PRR16: variants seen among roughly 807,000 people sequenced by gnomAD.
PRR16 encodes proline rich 16, also known as protein Largen.
Under a neutral mutation model 18.2 loss-of-function variants are expected in PRR16, and 6 were observed. That is an observed-to-expected ratio of 0.33 (90% CI 0.18 to 0.65). The LOEUF (loss-of-function observed/expected upper bound fraction) is 0.65, where lower values mean the gene tolerates loss of function less well. Among genes scored for constraint, PRR16 ranks in the 30% least tolerant of loss-of-function variants. The probability of loss-of-function intolerance (pLI) is 0.74; values close to 1 mark genes in which losing one functional copy is unlikely to be tolerated. For missense variants in PRR16, 412 were observed against 376.6 expected (o/e 1.09, Z -0.78); for synonymous variants, 151 against 147.8 (o/e 1.02, Z -0.16).
At chr5:120,588,789 T>G (rs534535178) in intron 1 of PRR16, among the ~76,000 whole-genome samples, 3 of 152,270 alleles carry the variant, frequency 2.0e-5, no homozygotes, top group Non-Finnish European at 4.4e-5. Context: ...GAGCACAAAT[T>G]CTGACAACAT....
the PRR16 span, among the ~76,000 whole-genome samples, chr5:120,753,990 CAT>C: frequency 2.9e-4 from 33 of 113,150 alleles, no homozygotes; most frequent in African/African-American, 8.1e-4. Context: ...TAATATATAA[CAT>C]ATATAATATA....
At chr5:120,750,218 A>AT in the PRR16 span, among the ~76,000 whole-genome samples, 2 of 152,032 alleles carry the variant, frequency 1.3e-5, no homozygotes, top group Admixed American at 1.3e-4. Context: ...CAGTCATTTG[A>AT]TTTTTTTCAA....
chr5:120,651,954 C>G (rs112838295), intron 1 of PRR16, among the ~76,000 whole-genome samples: 5 of 152,074 alleles, frequency 3.3e-5, no homozygotes, highest in African/African-American at 1.2e-4. Flanking sequence ...ATTCTTCCTA[C>G]CCATGAGCAT....
the PRR16 span, among the ~76,000 whole-genome samples, chr5:120,779,337 A>T: frequency 6.6e-6 from 1 of 152,212 alleles, no homozygotes; most frequent in Non-Finnish European, 1.5e-5. Context: ...GTTCACAATC[A>T]TTATCATGAA....
intron 1 of PRR16, among the ~76,000 whole-genome samples, chr5:120,583,337 G>C (rs62376426): frequency 8.2e-6 from 1 of 122,324 alleles, no homozygotes; most frequent in Admixed American, 8.0e-5. Flanking sequence ...GTGTGTGTGT[G>C]TGTGTGTGTG....
the PRR16 span, among the ~76,000 whole-genome samples, chr5:120,761,784 C>G: frequency 6.6e-6 from 1 of 152,048 alleles, no homozygotes; most frequent in East Asian, 1.9e-4. Context: ...AATACTCACC[C>G]TACTCTGCTA....
the PRR16 span, among the ~76,000 whole-genome samples, chr5:120,732,646 A>T: frequency 6.6e-6 from 1 of 152,176 alleles, no homozygotes; most frequent in African/African-American, 2.4e-5. Flanking sequence ...TGGAGCTAAG[A>T]ATGAATGCAT....
chr5:120,766,231 G>T, the PRR16 span, among the ~76,000 whole-genome samples: 1 of 151,852 alleles, frequency 6.6e-6, no homozygotes, highest in Admixed American at 6.6e-5. Context: ...AGCATTCCAG[G>T]GTTCTGGTTG....
At chr5:120,543,632 T>A (rs187483537) in intron 1 of PRR16, among the ~76,000 whole-genome samples, 1 of 152,340 alleles carries the variant, frequency 6.6e-6, no homozygotes, top group East Asian at 1.9e-4. Flanking sequence ...TGATTGCTAA[T>A]ATTTTATTTC....
chr5:120,792,951 G>C, the PRR16 span, among the ~76,000 whole-genome samples: 2 of 149,092 alleles, frequency 1.3e-5, no homozygotes, highest in African/African-American at 4.8e-5. Context: ...TTAGGAGTTC[G>C]AGACCAACCT....
intron 1 of PRR16, among the ~76,000 whole-genome samples, chr5:120,585,421 C>G (rs1031547024): frequency 6.6e-6 from 1 of 151,824 alleles, no homozygotes; most frequent in African/African-American, 2.4e-5. Flanking sequence ...ACCAACCTGG[C>G]CAACATGGTG....
At chr5:120,613,848 C>G (rs1320172000) in intron 1 of PRR16, among the ~76,000 whole-genome samples, 1 of 152,116 alleles carries the variant, frequency 6.6e-6, no homozygotes, top group Non-Finnish European at 1.5e-5. Context: ...GCTGTTTAGC[C>G]TAAGAGCTGA....
At chr5:120,578,755 A>G (rs374025487) in intron 1 of PRR16, among the ~76,000 whole-genome samples, 1 of 152,240 alleles carries the variant, frequency 6.6e-6, no homozygotes, top group African/African-American at 2.4e-5. Context: ...TCCTTTGGGT[A>G]TATAGACAAT....
At chr5:120,751,990 T>C in the PRR16 span, among the ~76,000 whole-genome samples, 1 of 152,154 alleles carries the variant, frequency 6.6e-6, no homozygotes, top group South Asian at 2.1e-4. Flanking sequence ...TTGTTCATTG[T>C]CAAGAGGAAC....
At chr5:120,712,786 T>C in the PRR16 span, among the ~76,000 whole-genome samples, 1 of 152,088 alleles carries the variant, frequency 6.6e-6, no homozygotes, top group Non-Finnish European at 1.5e-5. Flanking sequence ...TCATTTATAC[T>C]TGGTTAGCTA....
chr5:120,508,237 G>A lies in PRR16; in HGVS notation c.159+43592G>A, dbSNP rs1052789526. 2.8e-4 allele frequency among the ~76,000 whole-genome samples: 42 copies of A among 152,158 alleles called. 1 individual carries two copies. Among genetic ancestry groups the A allele is most frequent in the Middle Eastern group, 3.4e-3 (1 of 294 alleles). ...ACTTCCATCTTGAGAAGATGAGGACGAAAACTATATGCTGAGATGAATGGC... is the reference window on the plus strand; with the variant it reads ...ACTTCCATCTTGAGAAGATGAGGACAAAAACTATATGCTGAGATGAATGGC... On this transcript the variant is annotated intron_variant, in intron 1 of 1. Coordinates refer to ENST00000407149, the MANE Select transcript of PRR16 (RefSeq NM_001300783.2).
chr5:120,632,502 A>T (rs1470830285), intron 1 of PRR16, among the ~76,000 whole-genome samples: 1 of 152,082 alleles, frequency 6.6e-6, no homozygotes, highest in Non-Finnish European at 1.5e-5. Context: ...TAAAAAGAAA[A>T]TTCTGTGAAA....
At chr5:120,583,536 G>T (rs1405208287) in intron 1 of PRR16, among the ~76,000 whole-genome samples, 2 of 152,132 alleles carry the variant, frequency 1.3e-5, no homozygotes, top group African/African-American at 4.8e-5. Context: ...TATTTGTACT[G>T]AGAAACTGGT....
intron 1 of PRR16, among the ~76,000 whole-genome samples, chr5:120,477,565 A>G (rs1167197274): frequency 2.0e-5 from 3 of 152,182 alleles, no homozygotes; most frequent in Admixed American, 6.6e-5. Flanking sequence ...GATTGCTACA[A>G]TAGCCTCCTG....
Sources: gnomAD v4.1 joint callset for allele counts (sites outside exome capture counted in the v4.1 genomes callset) on GRCh38, gnomAD v4.1.1 for gene constraint, MANE v1.5 for transcripts, NCBI Gene and HGNC (gene_info 2026-07-23, HGNC 2026-07-21) for gene names.